Variants in FAM47E observed in about 807,000 individuals in gnomAD.
FAM47E encodes protein FAM47E.
In FAM47E, 32 loss-of-function variants were observed where a neutral mutation model predicts 41.6. The ratio of observed to expected loss-of-function variants is 0.77; its 90% confidence interval spans 0.58 to 1.03. The LOEUF (loss-of-function observed/expected upper bound fraction) is 1.03. Among genes scored for constraint, FAM47E ranks in the 50% least tolerant of loss-of-function variants. FAM47E has a pLI of 0.00. For synonymous variants in FAM47E, 184 were observed against 188.7 expected (o/e 0.98, Z 0.20); for missense variants, 424 against 485.4 (o/e 0.87, Z 1.19).
intron 3 of FAM47E, among the ~76,000 whole-genome samples, chr4:76,266,279 C>T (rs1453935083): frequency 1.3e-5 from 2 of 152,182 alleles, no homozygotes; most frequent in African/African-American, 4.8e-5. Context: ...TCTGGTCCAT[C>T]TGTATATGGT....
chr4:76,261,430 C>T (rs953280293), intron 2 of FAM47E, among the ~76,000 whole-genome samples: 2 of 152,214 alleles, frequency 1.3e-5, no homozygotes, highest in Admixed American at 1.3e-4. Context: ...CCTAAGTGTC[C>T]ATCAATGATG....
chr4:76,228,619 G>T (rs78799603), intron 2 of FAM47E, among the ~76,000 whole-genome samples: 8,054 of 152,166 alleles, frequency 0.053, 249 homozygotes, highest in Middle Eastern at 0.088. Flanking sequence ...GCTTAGTTTT[G>T]CTGGATAAAC....
intron 5 of FAM47E, among the ~76,000 whole-genome samples, chr4:76,275,168 G>C (rs1735045206): frequency 6.6e-6 from 1 of 152,058 alleles, no homozygotes; most frequent in Admixed American, 6.6e-5. Flanking sequence ...TTTATTTTCT[G>C]ACTCCACATA....
At chr4:76,255,582 C>G (rs981842507) in intron 1 of FAM47E, among the ~76,000 whole-genome samples, 10 of 152,252 alleles carry the variant, frequency 6.6e-5, no homozygotes, top group African/African-American at 2.4e-4. Flanking sequence ...TAGTTAGGGG[C>G]TGAGTTGTCA....
chr4:76,272,762 C>T (rs1193074506), intron 5 of FAM47E, among the ~76,000 whole-genome samples: 1 of 152,182 alleles, frequency 6.6e-6, no homozygotes, highest in South Asian at 2.1e-4. Flanking sequence ...TAAAATTGCT[C>T]AATTCCCTGT....
chr4:76,263,957 A>G (rs1159050775), intron 3 of FAM47E, 114 bp downstream of exon 3: 2 of 1,424,028 alleles, frequency 1.4e-6, no homozygotes, highest in Admixed American at 5.2e-5. Context: ...AAATGTAACT[A>G]AGTTCCCAAG....
At chr4:76,222,013 C>T (rs563271438) in intron 2 of FAM47E, among the ~76,000 whole-genome samples, 12 of 152,210 alleles carry the variant, frequency 7.9e-5, no homozygotes, top group Non-Finnish European at 1.2e-4. Context: ...AAGGGATCCA[C>T]CTGGTATACT....
chr4:76,279,455 A>G lies in FAM47E; in HGVS notation c.1027-809A>G, dbSNP rs532260232. On this transcript the variant is annotated intron_variant, in intron 6 of 7. Transcript: ENST00000424749. ...ACAAATGCTATAAAGATGTTTGCCA[A>G]AATGGTTACAGTGAGCTAATAAAGT... is the stretch of plus-strand genomic sequence containing the variant. 4 of 152,374 alleles carry G rather than the reference A, an allele frequency of 2.6e-5. No homozygotes were observed. The East Asian group carries it at 5.8e-4, about 22-fold the overall frequency. The allele number at this position is 152,374 out of a possible 1,614,324, so 9.4% of individuals were successfully genotyped here.
In FAM47E at chr4:76,268,672, G is replaced by T; in HGVS notation, c.573G>T (p.Thr191=). ...TQVYLGPSKK[T]SVSNAGQWLY... is the part of the protein sequence containing the mutation. ...ATCTTATCTTTAGTTCCAAGAAGAC[G>T]TCTGTGTCAAACGCAGGCCAATGGC... is the stretch of plus-strand genomic sequence containing the variant. Residue 191 remains threonine, a synonymous_variant, in exon 4 of 8, where the codon ACG becomes ACT. Transcript: ENST00000424749. The T allele has an allele frequency of 6.4e-7, 1 of 1,550,748 alleles. No individual in the cohort carries two copies. Among genetic ancestry groups the T allele is most frequent in the Non-Finnish European group, 8.7e-7 (1 of 1,146,734 alleles).
At chr4:76,264,827 C>A (rs577351812) in intron 3 of FAM47E, among the ~76,000 whole-genome samples, 3 of 152,278 alleles carry the variant, frequency 2.0e-5, no homozygotes, top group South Asian at 2.1e-4. Flanking sequence ...AACTCCTGGC[C>A]TCAAGTGATC....
At chr4:76,248,487 T>G, upstream of FAM47E, among the ~76,000 whole-genome samples, 1 of 152,152 alleles carries the variant, frequency 6.6e-6, no homozygotes, top group Non-Finnish European at 1.5e-5. Flanking sequence ...GTAGGATTTC[T>G]CCAAGACTTA....
chr4:76,258,874 A>G (rs555295754), intron 2 of FAM47E, among the ~76,000 whole-genome samples: 39 of 152,202 alleles, frequency 2.6e-4, no homozygotes, highest in Non-Finnish European at 4.6e-4. Context: ...GAAATTAAAT[A>G]TGGTTTAAGG....
intron 5 of FAM47E, among the ~76,000 whole-genome samples, chr4:76,276,217 A>G (rs939399752): frequency 1.3e-5 from 2 of 152,204 alleles, no homozygotes; most frequent in African/African-American, 4.8e-5. Flanking sequence ...GCTGGGAATA[A>G]TTTCCGAAGC....
At chr4:76,225,387 C>T (rs1284791623) in intron 2 of FAM47E, among the ~76,000 whole-genome samples, 1 of 152,160 alleles carries the variant, frequency 6.6e-6, no homozygotes, top group Non-Finnish European at 1.5e-5. Context: ...CTTTCCTTCC[C>T]TTGTCTGACT....
At chr4:76,256,084 C>G in intron 1 of FAM47E, 94 bp from the exon 2 acceptor site, 1 of 1,401,304 alleles carries the variant, frequency 7.1e-7, no homozygotes, top group Non-Finnish European at 9.5e-7. Context: ...GGAGACCAGC[C>G]TTTTTACTAC....
At chr4:76,266,314 T>G (rs1578789914) in intron 3 of FAM47E, among the ~76,000 whole-genome samples, 1 of 152,354 alleles carries the variant, frequency 6.6e-6, no homozygotes, top group East Asian at 1.9e-4. Flanking sequence ...TCCTTAGTTG[T>G]ATAATTGGCA....
intron 5 of FAM47E, among the ~76,000 whole-genome samples, chr4:76,272,368 T>C (rs1734927727): frequency 6.6e-6 from 1 of 152,260 alleles, no homozygotes; most frequent in African/African-American, 2.4e-5. Context: ...AGTCAAGTTA[T>C]GTGAGTCAAC....
At position 76,283,419 on chromosome 4, in the gene FAM47E, T is replaced by G; in HGVS notation, c.1143T>G (p.Arg381=). Residue 381 remains arginine, a synonymous_variant, in exon 8 of 8, where the codon CGT becomes CGG. Coordinates refer to ENST00000424749, the MANE Select transcript of FAM47E (RefSeq NM_001136570.3). The part of the protein sequence containing the change: ...ENMYIGKECK[R]ACNKTPIKRT... Reference sequence around the variant, plus strand: ...TGTATATCGGGAAGGAATGTAAACGTGCATGTAATAAGACTCCTATAAAAC... The same window carrying G: ...TGTATATCGGGAAGGAATGTAAACGGGCATGTAATAAGACTCCTATAAAAC... 1.3e-6 allele frequency: 2 copies of G among 1,548,442 alleles called. No homozygotes were observed. Among genetic ancestry groups the G allele is most frequent in the Non-Finnish European group, 1.7e-6 (2 of 1,144,200 alleles).
intron 1 of FAM47E, among the ~76,000 whole-genome samples, chr4:76,214,748 A>G (rs542707526): frequency 6.6e-6 from 1 of 152,298 alleles, no homozygotes; most frequent in East Asian, 1.9e-4. Context: ...GTTTCTTTGC[A>G]CAGTTCTACT....
Sources: gnomAD v4.1 joint callset for allele counts (sites outside exome capture counted in the v4.1 genomes callset) on GRCh38, gnomAD v4.1.1 for gene constraint, MANE v1.5 for transcripts, NCBI Gene and HGNC (gene_info 2026-07-23, HGNC 2026-07-21) for gene names.